The following SDHA variants were observed in gnomAD, a reference collection of about 807,000 sequenced individuals.
The protein encoded by SDHA is succinate dehydrogenase [ubiquinone] flavoprotein subunit, mitochondrial.
Under a neutral mutation model 78.4 loss-of-function variants are expected in SDHA, and 48 were observed. That is an observed-to-expected ratio of 0.61 (90% CI 0.49 to 0.78). SDHA has a LOEUF of 0.78. Among genes scored for constraint, SDHA ranks in the 30% least tolerant of loss-of-function variants. The probability of loss-of-function intolerance (pLI) is 0.00; values close to 1 mark genes in which losing one functional copy is unlikely to be tolerated. For missense variants in SDHA, 680 were observed against 892.7 expected (o/e 0.76, Z 3.04); for synonymous variants, 326 against 353.9 (o/e 0.92, Z 0.88).
intron 14 of SDHA, among the ~76,000 whole-genome samples, chr5:255,167 G>A (rs1737107339): frequency 6.6e-6 from 1 of 151,986 alleles, no homozygotes; most frequent in African/African-American, 2.4e-5. Flanking sequence ...TTCCACACAA[G>A]CACAGTTCAC....
chr5:224,775 C>T (rs990352671), intron 3 of SDHA: 84 of 542,108 alleles, frequency 1.5e-4, no homozygotes, highest in Non-Finnish European at 2.4e-4. Flanking sequence ...ATCTTGCCTA[C>T]TACCTTCCCC....
At chr5:267,646 G>A in the SDHA span, among the ~76,000 whole-genome samples, 7 of 152,214 alleles carry the variant, frequency 4.6e-5, no homozygotes, top group South Asian at 1.0e-3. Flanking sequence ...TTTCAAATTA[G>A]CTGAGAGAAA....
intron 11 of SDHA, among the ~76,000 whole-genome samples, chr5:248,747 G>T (rs1436547789): frequency 6.6e-6 from 1 of 152,200 alleles, no homozygotes; most frequent in East Asian, 1.9e-4. Context: ...ATTATTGATT[G>T]ATCTCCTAAG....
At chr5:225,721 T>C (rs1734977873) in intron 4 of SDHA, 159 bp downstream of exon 4, 8 of 1,335,538 alleles carry the variant, frequency 6.0e-6, no homozygotes, top group Middle Eastern at 2.5e-4. Flanking sequence ...CTATGCATTA[T>C]ATGTAACAAG....
the SDHA span, among the ~76,000 whole-genome samples, chr5:266,334 A>T: frequency 6.6e-6 from 1 of 152,224 alleles, no homozygotes; most frequent in Admixed American, 6.5e-5. Context: ...GAAGCATGAT[A>T]GGATGGCAAC....
downstream of SDHA, among the ~76,000 whole-genome samples, chr5:259,918 GTC>G (rs1737423820): frequency 3.5e-5 from 1 of 28,964 alleles, no homozygotes; most frequent in Non-Finnish European, 6.0e-5. Context: ...TCCGCCTCCC[GTC>G]AGAGCATTAC....
chr5:231,718 G>GGCTTTCGAAATACATTT (rs1414271869), intron 7 of SDHA, among the ~76,000 whole-genome samples: 1 of 152,184 alleles, frequency 6.6e-6, no homozygotes, highest in Non-Finnish European at 1.5e-5. Flanking sequence ...TGAACATTCT[G>GGCTTTCGAAATACATTT]AGAGCTGGGA....
rs1307510746 is a variant in SDHA, at chr5:256,851, C to T, written c.*431C>T. Among the ~76,000 whole-genome samples the T allele has an allele frequency of 4.2e-4, 56 of 132,524 alleles. 1 individual carries two copies. The highest frequency in any genetic ancestry group is 4.3e-3 in the Middle Eastern group (1 of 234). The allele number at this position is 132,524 out of a possible 152,430, so 86.9% of individuals were successfully genotyped here. On this transcript the variant is annotated 3_prime_UTR_variant, in exon 15 of 15. Transcript: ENST00000264932. ...TTCTTTTTTTTTTTTGAGACAGGATCGGTGCAGTAGTACAATCACAGCTCA... is the reference window on the plus strand; with the variant it reads ...TTCTTTTTTTTTTTTGAGACAGGATTGGTGCAGTAGTACAATCACAGCTCA...
At position 223,539 on chromosome 5, in the gene SDHA, A is replaced by AAG. The variant is rs1385076821; in HGVS notation, c.124_125dup (p.Ala43GlyfsTer16). 2 of 1,613,642 alleles carry AAG rather than the reference A, an allele frequency of 1.2e-6. No individual in the cohort carries two copies. Among genetic ancestry groups the AAG allele is most frequent in the African/African-American group, 2.7e-5 (2 of 74,930 alleles). ...TTTTCACTTCACTGTTGATGGGAAC[A>AAG]AGAGGGCATCTGCTAAAGTTTCAGA... is the stretch of plus-strand genomic sequence containing the variant. On this transcript the variant is annotated frameshift_variant, in exon 2 of 15. Transcript: ENST00000264932. LOFTEE classifies it high-confidence loss of function.
chr5:259,503 TCACAG>T (rs1737405367), downstream of SDHA, among the ~76,000 whole-genome samples: 1 of 21,884 alleles, frequency 4.6e-5, no homozygotes, highest in African/African-American at 3.6e-4. Context: ...CCGCCTCCTG[TCACAG>T]CATTACCGTG....
chr5:239,914 C>T (rs906678100), intron 10 of SDHA, among the ~76,000 whole-genome samples: 10 of 151,856 alleles, frequency 6.6e-5, no homozygotes, highest in African/African-American at 1.5e-4. Context: ...GGATTATAGA[C>T]GCGTGCCACC....
intron 5 of SDHA, chr5:227,853 C>T (rs141353996): frequency 1.1e-3 from 403 of 377,904 alleles, no homozygotes; most frequent in African/African-American, 7.5e-3. Context: ...GCATGGTCTG[C>T]GGACCTCACT....
At chr5:220,979 AT>A (rs1226503783) in intron 1 of SDHA, among the ~76,000 whole-genome samples, 2 of 151,812 alleles carry the variant, frequency 1.3e-5, no homozygotes, top group Non-Finnish European at 1.5e-5. Flanking sequence ...TGCCCGGCTA[AT>A]TTTTTTGTGT....
chr5:240,316 A>G (rs1736058353), intron 10 of SDHA, 42 bp from the exon 11 acceptor site: 1 of 1,336,714 alleles, frequency 7.5e-7, no homozygotes, highest in African/African-American at 1.4e-5. Flanking sequence ...GGTTTTTTAA[A>G]ACGGTTTTCA....
intron 11 of SDHA, among the ~76,000 whole-genome samples, chr5:244,678 C>T (rs1736342935): frequency 6.6e-6 from 1 of 152,176 alleles, no homozygotes; most frequent in African/African-American, 2.4e-5. Context: ...CCAATTCAAC[C>T]TGCTCAATTT....
In SDHA at chr5:256,823, C is replaced by CTTTT. The variant is rs758468864; in HGVS notation, c.*404_*407dup. 9.5e-3 allele frequency: 2,155 copies of CTTTT among 227,048 alleles called. 72 individuals carry two copies. The highest frequency in any genetic ancestry group is 0.034 in the African/African-American group (1,273 of 37,920). 14.1% of individuals were successfully genotyped at this position (227,048 alleles called of 1,614,324 possible). On this transcript the variant is annotated 3_prime_UTR_variant, in exon 15 of 15. Transcript: ENST00000264932. ...TTTGTATAGTTTCTTTTTTCTTTTT[C>CTTTT]TTTTCTTTTTTTTTTTTGAGACAGG...
rs758468864 is a variant in SDHA at position 256,823 on chromosome 5, C to CTTTTTTTT, written c.*407_*408insTTTTTTTT. 29 of 227,794 alleles carry CTTTTTTTT rather than the reference C, an allele frequency of 1.3e-4. 2 individuals carry two copies. Among genetic ancestry groups the CTTTTTTTT allele is most frequent in the African/African-American group, 4.7e-4 (18 of 37,982 alleles). The allele number at this position is 227,794 out of a possible 1,614,324, so 14.1% of individuals were successfully genotyped here. On this transcript the variant is annotated 3_prime_UTR_variant, in exon 15 of 15. Transcript: ENST00000264932. ...TTTGTATAGTTTCTTTTTTCTTTTT[C>CTTTTTTTT]TTTTCTTTTTTTTTTTTGAGACAGG... is the stretch of plus-strand genomic sequence containing the variant.
chr5:251,280 C>T (rs1736806490), intron 12 of SDHA, 58 bp from the exon 13 acceptor site: 12 of 1,583,912 alleles, frequency 7.6e-6, no homozygotes, highest in South Asian at 1.1e-5. Flanking sequence ...GCTGACAGCT[C>T]GGAGGGCCCA....
At chr5:218,479 G>T in intron 1 of SDHA, 61 bp downstream of exon 1, 1 of 1,276,822 alleles carries the variant, frequency 7.8e-7, no homozygotes, top group Non-Finnish European at 1.0e-6. Flanking sequence ...GTAGGAGCGG[G>T]ACGGTCCCCA....
Sources: allele counts gnomAD v4.1 joint callset (sites outside exome capture counted in the v4.1 genomes callset), GRCh38; gene constraint gnomAD v4.1.1; transcripts MANE v1.5; gene names NCBI Gene and HGNC (gene_info 2026-07-23, HGNC 2026-07-21).